CCDC171: variants seen among roughly 807,000 people sequenced by gnomAD.
CCDC171 encodes coiled-coil domain containing 171, also known as coiled-coil domain-containing protein 171.
CCDC171 carries 177 observed loss-of-function variants against 168.2 expected under a neutral mutation model. The ratio of observed to expected loss-of-function variants is 1.05; its 90% CI spans 0.93 to 1.19. CCDC171 has a LOEUF of 1.19. Ranked by LOEUF, CCDC171 falls within the 50% of genes most tolerant of loss-of-function variation. CCDC171 has a pLI of 0.00. For missense variants in CCDC171, 1,991 were observed against 1,539.0 expected, an observed-to-expected ratio of 1.29 and a Z score of -4.91; for synonymous variants, 687 against 540.8, an observed-to-expected ratio of 1.27 and a Z score of -3.75.
the CCDC171 span, among the ~76,000 whole-genome samples, chr9:16,070,094 G>A: frequency 6.6e-6 from 1 of 152,174 alleles, no homozygotes; most frequent in Admixed American, 6.5e-5. Context: ...ATGAGCTGCT[G>A]CGAGCCGTGT....
chr9:15,590,756 CTTCT>C (rs1295760148), intron 4 of CCDC171, among the ~76,000 whole-genome samples: 10 of 122,496 alleles, frequency 8.2e-5, no homozygotes, highest in Admixed American at 1.9e-4. Flanking sequence ...AGATTTTTTT[CTTCT>C]TTCTTTCTTT....
Position 15,986,156 on chromosome 9 carries a change from G to C in CCDC171, n.369-34433G>C, listed in dbSNP as rs60801659. Reference sequence around the variant, plus strand: ...CTCATTGCTGTGAGTCTTAAAATCAGTTCTAAAACAGAAGAAGATTAAAAT... The same window carrying C: ...CTCATTGCTGTGAGTCTTAAAATCACTTCTAAAACAGAAGAAGATTAAAAT... On this transcript the variant is annotated intron_variant and non_coding_transcript_variant, in intron 3 of 9. Transcript: ENST00000486641. Among the ~76,000 whole-genome samples the C allele has an allele frequency of 8.9e-3, 1,355 of 152,290 alleles. 19 individuals are homozygous for C. The highest frequency in any genetic ancestry group is 0.031 in the African/African-American group (1,278 of 41,560).
At chr9:15,963,668 T>C (rs962610341) in intron 25 of CCDC171, among the ~76,000 whole-genome samples, 1 of 152,208 alleles carries the variant, frequency 6.6e-6, no homozygotes, top group Non-Finnish European at 1.5e-5. Flanking sequence ...TCTTTACTTA[T>C]GAATTAAGTT....
chr9:15,612,175 T>G (rs1256808012), intron 6 of CCDC171, among the ~76,000 whole-genome samples: 1 of 152,218 alleles, frequency 6.6e-6, no homozygotes. Flanking sequence ...ATGGTATATC[T>G]TGTTATGGCA....
downstream of CCDC171, among the ~76,000 whole-genome samples, chr9:15,976,092 G>A (rs1408547005): frequency 1.3e-5 from 2 of 152,112 alleles, no homozygotes; most frequent in Admixed American, 6.6e-5. Context: ...GCAGAAAGAG[G>A]CAAGGAAATG....
At chr9:15,659,739 G>C (rs1050149890) in intron 8 of CCDC171, among the ~76,000 whole-genome samples, 2 of 152,144 alleles carry the variant, frequency 1.3e-5, no homozygotes, top group African/African-American at 2.4e-5. Context: ...ATATCAAGTA[G>C]GATGGTGGGA....
chr9:15,831,595 G>A (rs1459744319), intron 21 of CCDC171, among the ~76,000 whole-genome samples: 1 of 152,114 alleles, frequency 6.6e-6, no homozygotes, highest in African/African-American at 2.4e-5. Flanking sequence ...AAGAAAAATG[G>A]GATTATTGCA....
At chr9:15,820,920 T>C (rs2059745789) in intron 21 of CCDC171, among the ~76,000 whole-genome samples, 1 of 116,890 alleles carries the variant, frequency 8.6e-6, no homozygotes, top group Admixed American at 8.1e-5. Context: ...TGATGAACAT[T>C]GATGCAAAAA....
chr9:16,032,401 G>A (rs892133015), intron 6 of CCDC171, among the ~76,000 whole-genome samples: 1 of 152,186 alleles, frequency 6.6e-6, no homozygotes, highest in Non-Finnish European at 1.5e-5. Context: ...CAATGTGGAG[G>A]ACTGGCAGGG....
chr9:15,911,341 C>G (rs1196381562), intron 24 of CCDC171, among the ~76,000 whole-genome samples: 1 of 152,166 alleles, frequency 6.6e-6, no homozygotes, highest in African/African-American at 2.4e-5. Flanking sequence ...ATATAAATGT[C>G]TTCTTATGAA....
At chr9:16,014,170 T>C (rs1832951358) in intron 3 of CCDC171, among the ~76,000 whole-genome samples, 1 of 152,250 alleles carries the variant, frequency 6.6e-6, no homozygotes, top group Admixed American at 6.5e-5. Context: ...ATATTCTAAA[T>C]CTTTTGTTTC....
chr9:15,743,551 T>A (rs1486929013), intron 16 of CCDC171, among the ~76,000 whole-genome samples: 1 of 152,200 alleles, frequency 6.6e-6, no homozygotes, highest in Non-Finnish European at 1.5e-5. Context: ...TATTTTCTAG[T>A]GATTAATTGT....
intron 16 of CCDC171, among the ~76,000 whole-genome samples, chr9:15,733,269 T>C (rs141424533): frequency 2.0e-5 from 3 of 152,282 alleles, no homozygotes; most frequent in African/African-American, 7.2e-5. Context: ...TTAGCAGTAC[T>C]TTTGCAAAGC....
At chr9:15,998,949 A>G (rs1039791815) in intron 3 of CCDC171, among the ~76,000 whole-genome samples, 1 of 152,212 alleles carries the variant, frequency 6.6e-6, no homozygotes, top group Admixed American at 6.5e-5. Flanking sequence ...TGAAAAAGAG[A>G]CAACTTTTTC....
At chr9:16,063,777 T>C (rs1349506062), downstream of CCDC171, among the ~76,000 whole-genome samples, 1 of 152,286 alleles carries the variant, frequency 6.6e-6, no homozygotes, top group East Asian at 1.9e-4. Flanking sequence ...CTCAAAACCG[T>C]CAAATGCAAA....
intron 6 of CCDC171, among the ~76,000 whole-genome samples, chr9:16,031,581 A>G (rs1053347380): frequency 4.6e-5 from 7 of 152,160 alleles, no homozygotes; most frequent in Non-Finnish European, 8.8e-5. Context: ...TGCTCCCTCA[A>G]TTGGATCTGT....
At chr9:15,684,679 A>G (rs2050261758) in intron 10 of CCDC171, among the ~76,000 whole-genome samples, 1 of 152,198 alleles carries the variant, frequency 6.6e-6, no homozygotes, top group African/African-American at 2.4e-5. Context: ...ATGACATGTT[A>G]GATTAAGCCA....
At chr9:15,849,709 T>G (rs953828510) in intron 23 of CCDC171, among the ~76,000 whole-genome samples, 1 of 151,768 alleles carries the variant, frequency 6.6e-6, no homozygotes, top group African/African-American at 2.4e-5. Flanking sequence ...TTAAGTACTT[T>G]AAAGATACAT....
rs2049829942 is a variant in CCDC171, at chr9:15,678,841, A to G, written c.1160A>G (p.Lys387Arg). 1 of 1,598,738 alleles carries G rather than the reference A, an allele frequency of 6.3e-7. No individual in the cohort carries two copies. Residue 387 changes from lysine (K) to arginine (R), a missense_variant, in exon 10 of 26, where the codon AAG becomes AGG. By Grantham distance (26) the Lys-to-Arg change is conservative. Coordinates refer to ENST00000380701, the MANE Select transcript of CCDC171 (RefSeq NM_173550.4). ...AAGAAAGTAATTATAGACCTTTCAA[A>G]GAGACTCCAGTATAATGAAAAAAGT... is the stretch of plus-strand genomic sequence containing the variant. Reference protein sequence around the residue: ...EQKKVIIDLSKRLQYNEKSCS... With the variant: ...EQKKVIIDLSRRLQYNEKSCS...
Sources: gnomAD v4.1 joint callset for allele counts (sites outside exome capture counted in the v4.1 genomes callset) on GRCh38, gnomAD v4.1.1 for gene constraint, MANE v1.5 for transcripts, NCBI Gene and HGNC (gene_info 2026-07-23, HGNC 2026-07-21) for gene names.